Variants in ADGRA3 observed in about 807,000 individuals in gnomAD.
The protein encoded by ADGRA3 is G-protein coupled receptor 125.
A neutral mutation model predicts 119.8 loss-of-function variants in ADGRA3; 56 were observed. That is an observed-to-expected ratio of 0.47 (90% confidence interval 0.38 to 0.58). ADGRA3 has a LOEUF of 0.58. Ranked by LOEUF, ADGRA3 falls within the 20% of genes least tolerant of loss-of-function variation. The pLI, the probability that ADGRA3 is intolerant of heterozygous loss-of-function variation, is 0.00. For synonymous variants in ADGRA3, 607 were observed against 623.8 expected (o/e 0.97, Z 0.40); for missense variants, 1,516 against 1,649.0 (o/e 0.92, Z 1.40).
Position 22,389,174 on chromosome 4 carries a change from C to A in ADGRA3, c.2637G>T (p.Leu879=), listed in dbSNP as rs1264086333. ...CAATGATGGGGATACCACCACCAAT[C>A]AGGTAAAATCTAGAAGGAGGAATCA... The part of the protein sequence containing the change: ...PPPRPMLRFY[L]IGGGIPIIVC... Residue 879 remains leucine, a synonymous_variant, in exon 18 of 19, where the codon CTG becomes CTT. Transcript: ENST00000334304. The A allele has an allele frequency of 2.5e-6, 4 of 1,611,468 alleles. No individual in the cohort carries two copies. In the Admixed American group the frequency reaches 5.0e-5, roughly 20 times the overall value.
In ADGRA3 at chr4:22,515,832, G is replaced by A. The variant is rs971533685; in HGVS notation, c.-48C>T. On this transcript the variant is annotated 5_prime_UTR_variant, in exon 1 of 19. Coordinates refer to ENST00000334304, the MANE Select transcript of ADGRA3 (RefSeq NM_145290.4). Reference sequence around the variant, plus strand: ...GCGAGCGGCGGCGCACTGGCCTAGCGGGCCGCCCCGGAGCCCGGGCGGGCA... The same window carrying A: ...GCGAGCGGCGGCGCACTGGCCTAGCAGGCCGCCCCGGAGCCCGGGCGGGCA... The A allele has an allele frequency of 1.0e-6, 1 of 982,434 alleles. No homozygotes were observed. 60.9% of individuals were successfully genotyped at this position (982,434 alleles called of 1,614,324 possible).
At chr4:22,450,104 A>C (rs1228180029) in intron 4 of ADGRA3, among the ~76,000 whole-genome samples, 3 of 152,266 alleles carry the variant, frequency 2.0e-5, no homozygotes. Context: ...ACAACATTAC[A>C]ATCGCAGTCT....
At chr4:22,467,095 A>G (rs1390295193) in intron 2 of ADGRA3, among the ~76,000 whole-genome samples, 1 of 152,196 alleles carries the variant, frequency 6.6e-6, no homozygotes, top group Non-Finnish European at 1.5e-5. Context: ...TCTGTAGTTG[A>G]CCTTCGAATA....
intron 5 of ADGRA3, 61 bp downstream of exon 5, chr4:22,447,376 GTTT>G (rs1321302848): frequency 1.0e-6 from 1 of 996,264 alleles, no homozygotes; most frequent in Non-Finnish European, 1.5e-6. Flanking sequence ...CATAATAAAT[GTTT>G]TTAATTTTCA....
chr4:22,436,908 G>T lies in ADGRA3; in HGVS notation c.1086-267C>A, dbSNP rs186161964. ...TGACAGTATCAGTCACACCAAAACA[G>T]AATTCATTACAAAAACCACATAAAT... On this transcript the variant is annotated intron_variant, in intron 8 of 18. Coordinates refer to ENST00000334304, the MANE Select transcript of ADGRA3 (RefSeq NM_145290.4). Among the ~76,000 whole-genome samples, 5 of 152,132 alleles carry T rather than the reference G, an allele frequency of 3.3e-5. No homozygotes were observed. In the East Asian group the frequency reaches 9.7e-4, roughly 29 times the overall value.
intron 3 of ADGRA3, among the ~76,000 whole-genome samples, chr4:22,455,217 G>A (rs1328542058): frequency 2.6e-5 from 4 of 152,110 alleles, no homozygotes; most frequent in African/African-American, 9.7e-5. Context: ...GATAAAACTG[G>A]AGTAGTAAAA....
intron 2 of ADGRA3, among the ~76,000 whole-genome samples, chr4:22,462,790 G>T (rs1262197550): frequency 6.6e-6 from 1 of 152,180 alleles, no homozygotes; most frequent in African/African-American, 2.4e-5. Flanking sequence ...TACCACTTGG[G>T]GGTGGGAGGC....
At chr4:22,396,198 CAA>C (rs1274106661) in intron 16 of ADGRA3, among the ~76,000 whole-genome samples, 1 of 152,096 alleles carries the variant, frequency 6.6e-6, no homozygotes, top group African/African-American at 2.4e-5. Context: ...GCACCTTTAG[CAA>C]AAGAGAGTTA....
chr4:22,470,875 G>A (rs1041625833), intron 2 of ADGRA3, among the ~76,000 whole-genome samples: 2 of 152,168 alleles, frequency 1.3e-5, no homozygotes, highest in Admixed American at 1.3e-4. Flanking sequence ...CAGTCCCTGG[G>A]GACTCTGAGG....
At chr4:22,483,950 A>G (rs1718335306) in intron 1 of ADGRA3, among the ~76,000 whole-genome samples, 2 of 151,880 alleles carry the variant, frequency 1.3e-5, no homozygotes, top group African/African-American at 4.8e-5. Context: ...CTAACTTATA[A>G]GAAAAACAGT....
chr4:22,394,875 A>G (rs1419884032), intron 16 of ADGRA3: 7 of 152,222 alleles, frequency 4.6e-5, no homozygotes, highest in Non-Finnish European at 8.8e-5. Flanking sequence ...GACATCTGCT[A>G]ACACAGTCAG....
chr4:22,468,272 T>C (rs1464636414), intron 2 of ADGRA3, among the ~76,000 whole-genome samples: 1 of 152,164 alleles, frequency 6.6e-6, no homozygotes, highest in Admixed American at 6.5e-5. Flanking sequence ...TCTTATTGAC[T>C]AGGACAGACT....
intron 3 of ADGRA3, among the ~76,000 whole-genome samples, chr4:22,459,979 T>C (rs1246059821): frequency 6.6e-6 from 1 of 152,138 alleles, no homozygotes; most frequent in Non-Finnish European, 1.5e-5. Flanking sequence ...GATCTCCCAA[T>C]ATTCTTTTCC....
intron 11 of ADGRA3, among the ~76,000 whole-genome samples, chr4:22,421,881 CAAAAAAAAAAAA>C (rs754845592): frequency 8.5e-5 from 6 of 70,424 alleles, no homozygotes; most frequent in Middle Eastern, 0.012. Context: ...ACTCAGTCTC[CAAAAAAAAAAAA>C]AAAAAAAAAA....
intron 4 of ADGRA3, among the ~76,000 whole-genome samples, chr4:22,448,770 T>C (rs1577355293): frequency 6.6e-6 from 1 of 152,330 alleles, no homozygotes; most frequent in South Asian, 2.1e-4. Flanking sequence ...TTTTATAATT[T>C]TTTTGTAAGA....
chr4:22,476,247 C>T (rs1016348354), intron 1 of ADGRA3, among the ~76,000 whole-genome samples: 4 of 152,016 alleles, frequency 2.6e-5, no homozygotes, highest in African/African-American at 7.2e-5. Flanking sequence ...CCAAGCAGCC[C>T]GGCAGAGCAT....
At position 22,490,051 on chromosome 4, in the gene ADGRA3, TA is replaced by T. The variant is rs1187146089; in HGVS notation, c.258-16209del. The stretch of plus-strand genomic sequence containing the variant: ...CATTCTTATCAAAGATCTGACATTT[TA>T]AAAAATAAAGGAGGCCTGATTTTTT... On this transcript the variant is annotated intron_variant, in intron 1 of 18. Transcript: ENST00000334304. Among the ~76,000 whole-genome samples, 6 of 152,328 alleles carry T rather than the reference TA, an allele frequency of 3.9e-5. No individual in the cohort carries two copies. In the South Asian group the frequency reaches 1.2e-3, roughly 32 times the overall value.
At position 22,421,096 on chromosome 4, in the gene ADGRA3, A is replaced by C; in HGVS notation, c.1606-7T>G. On this transcript the variant is annotated splice_polypyrimidine_tract_variant and splice_region_variant and intron_variant, in intron 11 of 18. Coordinates refer to ENST00000334304, the MANE Select transcript of ADGRA3 (RefSeq NM_145290.4). ...GAGCAATATTGGGTGAATACTTGAA[A>C]AGTCAATCAAACAGGAGTTATGAAC... 1 of 1,610,712 alleles carries C rather than the reference A, an allele frequency of 6.2e-7. No homozygotes were observed. Among genetic ancestry groups the C allele is most frequent in the Non-Finnish European group, 8.5e-7 (1 of 1,177,286 alleles).
At chr4:22,421,883 A>C (rs1369045510) in intron 11 of ADGRA3, among the ~76,000 whole-genome samples, 396 of 18,512 alleles carry the variant, frequency 0.021, 3 homozygotes, top group African/African-American at 0.037. Context: ...TCAGTCTCCA[A>C]AAAAAAAAAA....
Sources: allele counts gnomAD v4.1 joint callset (sites outside exome capture counted in the v4.1 genomes callset), GRCh38; gene constraint gnomAD v4.1.1; transcripts MANE v1.5; gene names NCBI Gene and HGNC (gene_info 2026-07-23, HGNC 2026-07-21).